SMC5: variants seen among roughly 807,000 people sequenced by gnomAD.
SMC5 encodes structural maintenance of chromosomes protein 5.
A neutral mutation model predicts 148.3 loss-of-function variants in SMC5; 88 were observed. That is an observed-to-expected ratio of 0.59 (90% CI 0.50 to 0.71). SMC5 has a LOEUF of 0.71. Ranked by LOEUF, SMC5 falls within the 30% of genes least tolerant of loss-of-function variation. The pLI, the probability that SMC5 is intolerant of heterozygous loss-of-function variation, is 0.00. For missense variants in SMC5, 1,142 were observed against 1,298.9 expected, an observed-to-expected ratio of 0.88 and a Z score of 1.86; for synonymous variants, 421 against 432.8, an observed-to-expected ratio of 0.97 and a Z score of 0.34.
chr9:70,339,288 G>A (rs2036449362), intron 17 of SMC5, among the ~76,000 whole-genome samples: 1 of 152,098 alleles, frequency 6.6e-6, no homozygotes, highest in Non-Finnish European at 1.5e-5. Flanking sequence ...AATTAGCCGG[G>A]TGTGGTGGCG....
chr9:70,268,860 T>C (rs1283446842), intron 3 of SMC5, among the ~76,000 whole-genome samples: 3 of 152,208 alleles, frequency 2.0e-5, no homozygotes, highest in Non-Finnish European at 2.9e-5. Flanking sequence ...ATATTCTCAA[T>C]TGGCCATTCT....
intron 7 of SMC5, among the ~76,000 whole-genome samples, chr9:70,284,556 A>G (rs531587884): frequency 4.7e-4 from 71 of 152,332 alleles, no homozygotes; most frequent in Middle Eastern, 6.8e-3. Context: ...AAATATGTAC[A>G]TAATAAATTT....
chr9:70,284,179 A>G (rs1218208534), intron 7 of SMC5, among the ~76,000 whole-genome samples: 1 of 152,198 alleles, frequency 6.6e-6, no homozygotes, highest in Non-Finnish European at 1.5e-5. Flanking sequence ...GCTCCACTAT[A>G]TCTTAATTCT....
At chr9:70,286,753 G>A (rs1277205629) in intron 8 of SMC5, 1 of 115,726 alleles carries the variant, frequency 8.6e-6, no homozygotes, top group Non-Finnish European at 1.7e-5. Context: ...CAGGGTCTCT[G>A]TTACCCAGGT....
chr9:70,326,825 A>C (rs1276935234), intron 17 of SMC5, among the ~76,000 whole-genome samples: 1 of 152,008 alleles, frequency 6.6e-6, no homozygotes, highest in African/African-American at 2.4e-5. Flanking sequence ...AATTATTCCA[A>C]ATGACTATAA....
In SMC5 at chr9:70,298,039, C is replaced by G; in HGVS notation, c.1127C>G (p.Thr376Ser). The G allele has an allele frequency of 6.2e-7, 1 of 1,613,894 alleles. No individual in the cohort carries two copies. Among genetic ancestry groups the G allele is most frequent in the Non-Finnish European group, 8.5e-7 (1 of 1,179,910 alleles). ...ELDRQRRIGN[T>S]RKMIEDLQNE... ...GACCGACAGAGGAGAATAGGTAATA[C>G]CCGCAAAATGATAGAGGATTTGCAA... The change falls in exon 9 of 25, where the codon ACC (threonine) becomes AGC (serine). Residue 376 changes from threonine to serine, a missense_variant. Transcript: ENST00000361138.
chr9:70,335,043 T>C (rs781230457), intron 17 of SMC5, among the ~76,000 whole-genome samples: 1 of 152,246 alleles, frequency 6.6e-6, no homozygotes, highest in South Asian at 2.1e-4. Flanking sequence ...GGAACTGTCA[T>C]ACGCCACTGG....
chr9:70,349,982 T>G, intron 22 of SMC5, 132 bp from the exon 23 acceptor site: 1 of 479,142 alleles, frequency 2.1e-6, no homozygotes, highest in Non-Finnish European at 3.6e-6. Context: ...ATATTTATTG[T>G]TACATATTTA....
chr9:70,259,464 T>C (rs1434294724), intron 1 of SMC5, among the ~76,000 whole-genome samples: 1 of 152,156 alleles, frequency 6.6e-6, no homozygotes, highest in African/African-American at 2.4e-5. Flanking sequence ...ATGTGTGCCT[T>C]GGGTGATGTG....
In SMC5 at chr9:70,344,248, T is replaced by C. The variant is rs754095664; in HGVS notation, c.2502T>C (p.Thr834=). Residue 834 remains threonine (T), a synonymous_variant, in exon 18 of 25, where the codon ACT becomes ACC. Coordinates refer to ENST00000361138, the MANE Select transcript of SMC5 (RefSeq NM_015110.4). The part of the protein sequence containing the change: ...RQVCNLGAEQ[T]LPQEYQTQVP... ...TATGTAACCTGGGTGCAGAGCAGAC[T>C]CTTCCTCAAGAATACCAGACAGTAA... 1.4e-6 allele frequency: 2 copies of C among 1,476,576 alleles called. No individual in the cohort carries two copies. The highest frequency in any genetic ancestry group is 2.2e-5 in the Admixed American group (1 of 45,982). 91.5% of individuals were successfully genotyped at this position (1,476,576 alleles called of 1,614,324 possible). A position where few individuals can be genotyped will look rare whatever the true frequency, so the allele number is the denominator to read the frequency against.
chr9:70,270,995 G>C (rs1342854890), intron 3 of SMC5, among the ~76,000 whole-genome samples: 14 of 152,048 alleles, frequency 9.2e-5, no homozygotes, highest in Non-Finnish European at 1.9e-4. Flanking sequence ...CAACACTTGG[G>C]ACCAGAAGTG....
intron 6 of SMC5, among the ~76,000 whole-genome samples, chr9:70,281,898 T>TA (rs2034760243): frequency 6.6e-6 from 1 of 152,046 alleles, no homozygotes; most frequent in Non-Finnish European, 1.5e-5. Flanking sequence ...TTTCTTTTCT[T>TA]ACCATCATCC....
chr9:70,342,988 A>G (rs539354627), intron 17 of SMC5, among the ~76,000 whole-genome samples: 1 of 152,134 alleles, frequency 6.6e-6, no homozygotes, highest in African/African-American at 2.4e-5. Context: ...GACCACTCTG[A>G]CCTTCCCTAC....
intron 15 of SMC5, among the ~76,000 whole-genome samples, chr9:70,321,696 A>G (rs1432711752): frequency 1.3e-5 from 2 of 152,126 alleles, no homozygotes; most frequent in East Asian, 3.9e-4. Context: ...GTCTTTTCTA[A>G]ACAGAAAACT....
At position 70,264,680 on chromosome 9, in the gene SMC5, A is replaced by G. The variant is rs2034229033; in HGVS notation, c.327+235A>G. Among the ~76,000 whole-genome samples the G allele has an allele frequency of 2.0e-5, 3 of 152,274 alleles. No individual in the cohort carries two copies. In the South Asian group the frequency reaches 6.2e-4, roughly 32 times the overall value. On this transcript the variant is annotated intron_variant, in intron 2 of 24. Transcript: ENST00000361138. ...CACCTAAAATGCTAGAAATAATGTA[A>G]TATGTCTTTTTTTTTAAATGCATCA...
intron 11 of SMC5, among the ~76,000 whole-genome samples, chr9:70,313,896 G>A (rs2035726042): frequency 6.6e-6 from 1 of 152,142 alleles, no homozygotes; most frequent in Non-Finnish European, 1.5e-5. Context: ...CTAGAAGGCA[G>A]TTAACTTAGC....
intron 1 of SMC5, among the ~76,000 whole-genome samples, chr9:70,263,346 A>G (rs574384034): frequency 6.6e-6 from 1 of 152,316 alleles, no homozygotes; most frequent in Non-Finnish European, 1.5e-5. Context: ...TGCCACCTGT[A>G]TTTTTATTAC....
At chr9:70,311,174 A>T (rs2035646758) in intron 11 of SMC5, 1 of 152,144 alleles carries the variant, frequency 6.6e-6, no homozygotes, top group South Asian at 2.1e-4. Context: ...CTTCCTCACT[A>T]AGCTTTATTT....
At chr9:70,285,482 G>C (rs1460947430) in intron 7 of SMC5, among the ~76,000 whole-genome samples, 1 of 152,218 alleles carries the variant, frequency 6.6e-6, no homozygotes, top group Admixed American at 6.5e-5. Flanking sequence ...CAGAATGCAA[G>C]AAGGAAAGCA....
Sources: gnomAD v4.1 joint callset for allele counts (sites outside exome capture counted in the v4.1 genomes callset) on GRCh38, gnomAD v4.1.1 for gene constraint, MANE v1.5 for transcripts, NCBI Gene and HGNC (gene_info 2026-07-23, HGNC 2026-07-21) for gene names.